TEX101: variants seen among roughly 807,000 people sequenced by gnomAD.
The protein encoded by TEX101 is testis-expressed protein 101.
TEX101 carries 10 observed loss-of-function variants against 18.1 expected under a neutral mutation model. That is an observed-to-expected ratio of 0.55 (90% confidence interval 0.34 to 0.94). The LOEUF is 0.94. Among genes scored for constraint, TEX101 ranks in the 40% least tolerant of loss-of-function variants. The pLI is 0.02. For missense variants in TEX101, 259 were observed against 298.9 expected, an observed-to-expected ratio of 0.87 and a Z score of 0.98; for synonymous variants, 94 against 114.8, an observed-to-expected ratio of 0.82 and a Z score of 1.16.
At chr19:43,406,765 G>A (rs1970367865) in intron 3 of TEX101, among the ~76,000 whole-genome samples, 2 of 152,226 alleles carry the variant, frequency 1.3e-5, no homozygotes, top group East Asian at 3.9e-4. Context: ...CTGGGTCTTG[G>A]ATTTGCAACA....
upstream of TEX101, among the ~76,000 whole-genome samples, chr19:43,411,584 G>T (rs773418697): frequency 1.3e-5 from 2 of 152,092 alleles, no homozygotes; most frequent in African/African-American, 2.4e-5. Flanking sequence ...ACGTTCCATG[G>T]ATTCATAAAC....
At chr19:43,405,967 G>A (rs183857939) in intron 2 of TEX101, among the ~76,000 whole-genome samples, 4 of 151,446 alleles carry the variant, frequency 2.6e-5, no homozygotes, top group Admixed American at 2.6e-4. Flanking sequence ...GACTATAAAA[G>A]GATGGGAAAA....
At position 43,418,197 on chromosome 19, in the gene TEX101, G is replaced by A. The variant is rs778416597; in HGVS notation, c.550G>A (p.Gly184Ser). 1 of 1,614,166 alleles carries A rather than the reference G, an allele frequency of 6.2e-7. No individual in the cohort carries two copies. Residue 184 changes from glycine (G) to serine (S), a missense_variant, in exon 6 of 6, where the codon GGC becomes AGC. Coordinates refer to ENST00000598265, the MANE Select transcript of TEX101 (RefSeq NM_001130011.3). ...GGIESSVEVK[G>S]CTAMIGCRLM... The stretch of plus-strand genomic sequence containing the variant: ...CATTGAGTCGTCTGTGGAGGTCAAA[G>A]GCTGTACAGCCATGATTGGCTGCAG...
chr19:43,403,662 T>C (rs577770465), intron 2 of TEX101, among the ~76,000 whole-genome samples: 5 of 145,400 alleles, frequency 3.4e-5, no homozygotes, highest in African/African-American at 5.0e-5. Flanking sequence ...TAATTGATTT[T>C]AAAAAAAAAA....
chr19:43,391,852 G>A, the TEX101 span, among the ~76,000 whole-genome samples: 5 of 152,316 alleles, frequency 3.3e-5, no homozygotes, highest in Admixed American at 2.0e-4. Flanking sequence ...TTAGTCAGCA[G>A]GTGAGTGCAT....
chr19:43,399,676 T>C (rs1182092934), upstream of TEX101, among the ~76,000 whole-genome samples: 2 of 152,156 alleles, frequency 1.3e-5, no homozygotes, highest in Admixed American at 6.6e-5. Context: ...TTTAAAAGTA[T>C]TATTATGAAA....
chr19:43,389,802 C>T, the TEX101 span, among the ~76,000 whole-genome samples: 2 of 152,126 alleles, frequency 1.3e-5, no homozygotes, highest in Non-Finnish European at 2.9e-5. Flanking sequence ...CTTTATGTCC[C>T]TTCCATGTCC....
Position 43,418,586 on chromosome 19 carries a change from T to C in TEX101, c.*189T>C, listed in dbSNP as rs947519961. ...ATGCAGTAGGCGTTACTAATAAACA[T>C]TTCTGCTGTGATTTGTGTATGTTTC... On this transcript the variant is annotated 3_prime_UTR_variant, in exon 6 of 6. Transcript: ENST00000598265. The C allele has an allele frequency of 1.8e-6, 1 of 570,688 alleles. No homozygotes were observed. Among genetic ancestry groups the C allele is most frequent in the African/African-American group, 1.9e-5 (1 of 53,426 alleles). The allele number at this position is 570,688 out of a possible 1,614,324, so 35.4% of individuals were successfully genotyped here.
chr19:43,401,564 G>A (rs1970318285), intron 1 of TEX101: 1 of 152,264 alleles, frequency 6.6e-6, no homozygotes, highest in South Asian at 2.1e-4. Flanking sequence ...TGGGCCAGGT[G>A]CGTGGCTGAG....
At chr19:43,398,388 A>G (rs1970292063), upstream of TEX101, among the ~76,000 whole-genome samples, 1 of 149,420 alleles carries the variant, frequency 6.7e-6, no homozygotes, top group African/African-American at 2.5e-5. Flanking sequence ...TGATTCTCCT[A>G]CCTCAGCATC....
chr19:43,390,563 G>A, the TEX101 span, among the ~76,000 whole-genome samples: 1 of 137,418 alleles, frequency 7.3e-6, no homozygotes, highest in African/African-American at 2.7e-5. Flanking sequence ...CACCTCCCGG[G>A]TTCAACCGAT....
the TEX101 span, among the ~76,000 whole-genome samples, chr19:43,395,679 G>A: frequency 8.6e-3 from 1,309 of 152,302 alleles, 57 homozygotes; most frequent in East Asian, 0.12. Context: ...TCTGAACTCA[G>A]GTAGGCTGAA....
chr19:43,415,786 C>T, intron 1 of TEX101, 95 bp from the exon 2 acceptor site: 1 of 1,043,154 alleles, frequency 9.6e-7, no homozygotes, highest in Non-Finnish European at 1.4e-6. Flanking sequence ...CAGATTAAAA[C>T]ACCCCACCCT....
chr19:43,397,193 T>C (rs1970275001), upstream of TEX101, among the ~76,000 whole-genome samples: 1 of 152,084 alleles, frequency 6.6e-6, no homozygotes. Context: ...TCTCATGAGG[T>C]TGGAGTGAAG....
chr19:43,393,343 G>T, the TEX101 span, among the ~76,000 whole-genome samples: 5 of 152,198 alleles, frequency 3.3e-5, no homozygotes, highest in Non-Finnish European at 7.3e-5. Flanking sequence ...AGGGGGCTGA[G>T]CGCACAGCCT....
At chr19:43,406,283 T>C in exon 3 of TEX101, 1 of 529,586 alleles carries the variant, frequency 1.9e-6, no homozygotes, top group East Asian at 3.5e-5. Flanking sequence ...GGAGCAACCG[T>C]GACCCTCTTA....
chr19:43,397,804 T>C (rs529056129), upstream of TEX101, among the ~76,000 whole-genome samples: 138 of 115,472 alleles, frequency 1.2e-3, no homozygotes, highest in South Asian at 0.02. Flanking sequence ...ATATTTATAT[T>C]ATATAAATAT....
chr19:43,406,010 A>T (rs1970357778), intron 2 of TEX101, among the ~76,000 whole-genome samples: 1 of 148,928 alleles, frequency 6.7e-6, no homozygotes, highest in South Asian at 2.2e-4. Context: ...CCAGCATATA[A>T]GAGGCAGGAG....
the TEX101 span, among the ~76,000 whole-genome samples, chr19:43,394,919 G>T: frequency 2.6e-5 from 4 of 152,122 alleles, no homozygotes; most frequent in Admixed American, 6.5e-5. Context: ...ACCCACTTAG[G>T]TTCAGTATCT....
Sources: allele counts gnomAD v4.1 joint callset (sites outside exome capture counted in the v4.1 genomes callset), GRCh38; gene constraint gnomAD v4.1.1; transcripts MANE v1.5; gene names NCBI Gene and HGNC (gene_info 2026-07-23, HGNC 2026-07-21).